Variants in ZNF385D observed in about 807,000 individuals in gnomAD.
ZNF385D encodes the protein zinc finger protein 385D, also known as zinc finger protein 659.
Under a neutral mutation model 35.8 loss-of-function variants are expected in ZNF385D, and 15 were observed. That is an observed-to-expected ratio of 0.42 (90% CI 0.28 to 0.64). The LOEUF is 0.64. Among genes scored for constraint, ZNF385D ranks in the 30% least tolerant of loss-of-function variants. The pLI is 0.23. For missense variants in ZNF385D, 474 were observed against 494.6 expected (o/e 0.96, Z 0.39); for synonymous variants, 212 against 186.8 (o/e 1.13, Z -1.10).
In ZNF385D at chr3:21,596,976, T is replaced by G. The variant is rs185756433; in HGVS notation, c.166-32292A>C. ...AATTCAGCCTAAGAATGCATCTGTCTGCTAATTCACTTTGAAGAAGTTGCA... is the reference window on the plus strand; with the variant it reads ...AATTCAGCCTAAGAATGCATCTGTCGGCTAATTCACTTTGAAGAAGTTGCA... On this transcript the variant is annotated intron_variant, in intron 2 of 7. Coordinates refer to ENST00000281523, the MANE Select transcript of ZNF385D (RefSeq NM_024697.3). Among the ~76,000 whole-genome samples the G allele has an allele frequency of 2.4e-4, 37 of 152,228 alleles. No individual in the cohort carries two copies. In the South Asian group the frequency reaches 3.9e-3, roughly 16 times the overall value.
intron 4 of ZNF385D, among the ~76,000 whole-genome samples, chr3:21,482,216 A>G (rs1483116933): frequency 6.6e-6 from 1 of 152,104 alleles, no homozygotes; most frequent in African/African-American, 2.4e-5. Flanking sequence ...GTTGACTCCT[A>G]CTAAGGGTGT....
intron 4 of ZNF385D, among the ~76,000 whole-genome samples, chr3:21,510,425 G>C (rs1707114802): frequency 6.6e-6 from 1 of 152,272 alleles, no homozygotes; most frequent in East Asian, 1.9e-4. Context: ...TGACAATAAA[G>C]GCTTTCTGTA....
rs550301643 is a variant in ZNF385D, at chr3:22,236,191, T to C, written c.107-67156A>G. ...TATAATCCAGGAAAAAATTTTATGATATATATGTATGTACAGAAACATGTA... is the reference window on the plus strand; with the variant it reads ...TATAATCCAGGAAAAAATTTTATGACATATATGTATGTACAGAAACATGTA... On this transcript the variant is annotated intron_variant, in intron 2 of 5. Transcript: ENST00000494108. Among the ~76,000 whole-genome samples, 103 of 152,318 alleles carry C rather than the reference T, an allele frequency of 6.8e-4. 1 individual carries two copies. Among genetic ancestry groups the C allele is most frequent in the Non-Finnish European group, 2.4e-4 (16 of 68,026 alleles).
At chr3:22,108,048 T>G (rs549450106) in intron 3 of ZNF385D, among the ~76,000 whole-genome samples, 146 of 151,602 alleles carry the variant, frequency 9.6e-4, no homozygotes, top group African/African-American at 3.5e-3. Flanking sequence ...TTACTAGATG[T>G]CAGTGTATTG....
intron 2 of ZNF385D, among the ~76,000 whole-genome samples, chr3:22,328,985 G>A (rs531399228): frequency 1.3e-3 from 189 of 148,074 alleles, no homozygotes; most frequent in Non-Finnish European, 2.4e-3. Context: ...GCTGAGGCAG[G>A]AGAATGGCGT....
chr3:21,522,668 G>C (rs893445676), intron 3 of ZNF385D, among the ~76,000 whole-genome samples: 1 of 152,100 alleles, frequency 6.6e-6, no homozygotes, highest in Non-Finnish European at 1.5e-5. Context: ...GCAGAACGAA[G>C]TGGTTTGGGG....
At chr3:21,982,552 C>T (rs191554877) in intron 3 of ZNF385D, among the ~76,000 whole-genome samples, 1 of 152,260 alleles carries the variant, frequency 6.6e-6, no homozygotes, top group Admixed American at 6.5e-5. Context: ...GACTTCCTCT[C>T]TTCCTATTTG....
At chr3:22,353,016 T>C (rs1256298645) in intron 2 of ZNF385D, among the ~76,000 whole-genome samples, 1 of 152,152 alleles carries the variant, frequency 6.6e-6, no homozygotes, top group Admixed American at 6.5e-5. Flanking sequence ...TTCTAGATGG[T>C]TCCTTATTCC....
chr3:22,014,287 G>A (rs766855811), intron 3 of ZNF385D, among the ~76,000 whole-genome samples: 8 of 152,100 alleles, frequency 5.3e-5, no homozygotes, highest in Non-Finnish European at 1.0e-4. Context: ...CTGAATCACT[G>A]TATGGGAAGT....
intron 3 of ZNF385D, among the ~76,000 whole-genome samples, chr3:21,772,071 A>G (rs1047172230): frequency 6.6e-6 from 1 of 151,974 alleles, no homozygotes; most frequent in Admixed American, 6.6e-5. Context: ...CATGTAAAAA[A>G]TTAAGTCACA....
At chr3:21,904,951 CAAGA>C (rs1033292291) in intron 3 of ZNF385D, among the ~76,000 whole-genome samples, 8 of 151,516 alleles carry the variant, frequency 5.3e-5, no homozygotes, top group South Asian at 4.2e-4. Flanking sequence ...TCTGAAAGTA[CAAGA>C]AAGAAAAAAG....
chr3:22,147,595 G>A (rs536341442), intron 3 of ZNF385D, among the ~76,000 whole-genome samples: 2 of 152,290 alleles, frequency 1.3e-5, no homozygotes, highest in East Asian at 3.9e-4. Flanking sequence ...TGCTTACTAT[G>A]TATGGGATCT....
At chr3:21,652,217 T>C (rs1003311918) in intron 2 of ZNF385D, among the ~76,000 whole-genome samples, 1 of 152,174 alleles carries the variant, frequency 6.6e-6, no homozygotes, top group Admixed American at 6.5e-5. Context: ...TTCTACATAG[T>C]AGAAAGTTAC....
At chr3:22,369,772 G>T (rs987812531) in intron 2 of ZNF385D, among the ~76,000 whole-genome samples, 4 of 151,984 alleles carry the variant, frequency 2.6e-5, no homozygotes, top group African/African-American at 9.7e-5. Context: ...ACATGACAAA[G>T]TTATCTTACT....
intron 3 of ZNF385D, among the ~76,000 whole-genome samples, chr3:22,140,635 C>T (rs1261610741): frequency 6.6e-6 from 1 of 152,142 alleles, no homozygotes; most frequent in East Asian, 1.9e-4. Context: ...ATAAGGTTAA[C>T]ATTACCTTTG....
chr3:21,668,741 A>C (rs1369709608), intron 1 of ZNF385D, among the ~76,000 whole-genome samples: 1 of 152,234 alleles, frequency 6.6e-6, no homozygotes, highest in Non-Finnish European at 1.5e-5. Flanking sequence ...TACTATTTGC[A>C]AATAGTGCAA....
intron 3 of ZNF385D, among the ~76,000 whole-genome samples, chr3:21,934,849 G>A (rs1701184293): frequency 1.3e-5 from 2 of 151,998 alleles, no homozygotes; most frequent in South Asian, 4.2e-4. Flanking sequence ...CAATTAATTT[G>A]GTTTTTTCAC....
chr3:21,741,109 ACC>A (rs2069494436), intron 1 of ZNF385D, among the ~76,000 whole-genome samples: 2 of 152,060 alleles, frequency 1.3e-5, no homozygotes, highest in Admixed American at 1.3e-4. Context: ...TGGCCACATC[ACC>A]TGTTATCACC....
intron 2 of ZNF385D, among the ~76,000 whole-genome samples, chr3:22,360,843 G>T (rs1404638932): frequency 6.6e-6 from 1 of 151,980 alleles, no homozygotes; most frequent in Non-Finnish European, 1.5e-5. Context: ...GTATTCCTAT[G>T]AGATGCTATT....
Sources: allele counts gnomAD v4.1 joint callset (sites outside exome capture counted in the v4.1 genomes callset), GRCh38; gene constraint gnomAD v4.1.1; transcripts MANE v1.5; gene names NCBI Gene and HGNC (gene_info 2026-07-23, HGNC 2026-07-21).